Variants in CAMK4 observed in about 807,000 individuals in gnomAD.
The protein encoded by CAMK4 is calcium/calmodulin dependent protein kinase IV, also known as calcium/calmodulin-dependent protein kinase type IV.
CAMK4 carries 22 observed loss-of-function variants against 44.9 expected under a neutral mutation model. The ratio of observed to expected loss-of-function variants is 0.49; its 90% CI spans 0.35 to 0.70. The LOEUF (loss-of-function observed/expected upper bound fraction) is 0.70, where lower values mean the gene tolerates loss of function less well. Among genes scored for constraint, CAMK4 ranks in the 30% least tolerant of loss-of-function variants. The pLI is 0.01. For synonymous variants in CAMK4, 218 were observed against 215.4 expected, an observed-to-expected ratio of 1.01 and a Z score of -0.11; for missense variants, 498 against 586.8, an observed-to-expected ratio of 0.85 and a Z score of 1.56.
intron 1 of CAMK4, among the ~76,000 whole-genome samples, chr5:111,264,960 C>T (rs1211832030): frequency 6.6e-6 from 1 of 152,142 alleles, no homozygotes; most frequent in Non-Finnish European, 1.5e-5. Flanking sequence ...AATGTCCCCT[C>T]ATCCATGAGG....
intron 1 of CAMK4, among the ~76,000 whole-genome samples, chr5:111,227,890 A>T (rs140394490): frequency 5.6e-4 from 86 of 152,368 alleles, no homozygotes; most frequent in African/African-American, 2.0e-3. Context: ...CGAATTGGCC[A>T]TGATCCTATT....
chr5:111,436,876 G>A (rs1394321454), intron 5 of CAMK4, among the ~76,000 whole-genome samples: 4 of 152,116 alleles, frequency 2.6e-5, no homozygotes, highest in African/African-American at 4.8e-5. Context: ...CTGAGGCAAC[G>A]CTGTATTGAA....
intron 2 of CAMK4, among the ~76,000 whole-genome samples, chr5:111,370,400 T>C (rs961305338): frequency 6.6e-6 from 1 of 152,106 alleles, no homozygotes; most frequent in Admixed American, 6.6e-5. Flanking sequence ...AATATAAATA[T>C]ATAATGTGAA....
intron 4 of CAMK4, among the ~76,000 whole-genome samples, chr5:111,393,148 A>AT (rs1198896654): frequency 5.9e-5 from 9 of 152,208 alleles, no homozygotes; most frequent in African/African-American, 2.2e-4. Context: ...GCAATGATAG[A>AT]TTTTACCAAC....
intron 7 of CAMK4, among the ~76,000 whole-genome samples, chr5:111,465,552 G>T (rs1355516834): frequency 7.2e-5 from 11 of 152,114 alleles, no homozygotes; most frequent in Admixed American, 7.2e-4. Context: ...AAATGCAAAA[G>T]ATCATTCAGG....
At chr5:111,416,180 C>T (rs1205241160) in intron 5 of CAMK4, among the ~76,000 whole-genome samples, 3 of 151,740 alleles carry the variant, frequency 2.0e-5, no homozygotes, top group African/African-American at 7.3e-5. Context: ...AAAATAATTT[C>T]CAGAAAAATT....
chr5:111,478,560 T>G (rs1182575418), intron 9 of CAMK4, 53 bp downstream of exon 9: 6 of 998,282 alleles, frequency 6.0e-6, no homozygotes, highest in Non-Finnish European at 8.6e-6. Context: ...TATTTTTAAC[T>G]AATTAATGGG....
intron 1 of CAMK4, chr5:111,302,192 T>A (rs6887670): frequency 0.29 from 43,695 of 152,140 alleles, 6,398 homozygotes; most frequent in Non-Finnish European, 0.32. Context: ...CTGCCTAAAA[T>A]TCTCGGGGTC....
At chr5:111,457,793 A>G (rs1323669654) in intron 7 of CAMK4, among the ~76,000 whole-genome samples, 1 of 152,240 alleles carries the variant, frequency 6.6e-6, no homozygotes, top group Non-Finnish European at 1.5e-5. Context: ...AGAAGAATAA[A>G]TAGCTTAAGT....
At chr5:111,236,978 A>G (rs2112508857) in intron 1 of CAMK4, among the ~76,000 whole-genome samples, 1 of 152,306 alleles carries the variant, frequency 6.6e-6, no homozygotes, top group Admixed American at 6.5e-5. Context: ...TTTCTTCAGG[A>G]TGTTTTTTTC....
intron 1 of CAMK4, among the ~76,000 whole-genome samples, chr5:111,298,580 C>A (rs924090947): frequency 2.6e-5 from 4 of 152,186 alleles, no homozygotes; most frequent in African/African-American, 9.7e-5. Context: ...TAACGGGGAG[C>A]CACTATGCTC....
intron 1 of CAMK4, among the ~76,000 whole-genome samples, chr5:111,263,039 C>A (rs1374603151): frequency 7.9e-5 from 12 of 152,118 alleles, no homozygotes; most frequent in African/African-American, 2.9e-4. Context: ...ATAAGTGAAT[C>A]ATACTAAGCC....
rs540484831 is a variant in CAMK4, at chr5:111,469,467, C to CA, written c.626-3843dup. Among the ~76,000 whole-genome samples, 3 of 152,168 alleles carry CA rather than the reference C, an allele frequency of 2.0e-5. No homozygotes were observed. In the East Asian group the frequency reaches 5.8e-4, roughly 29 times the overall value. ...AAATTGCCTTTGGAGAGTAAGGTTA[C>CA]ACCCAGTGCTGCGACAGATCAGAAC... On this transcript the variant is annotated intron_variant, in intron 7 of 10. Coordinates refer to ENST00000282356, the MANE Select transcript of CAMK4 (RefSeq NM_001744.6).
At chr5:111,233,625 G>C (rs1391788093) in intron 1 of CAMK4, among the ~76,000 whole-genome samples, 6 of 152,054 alleles carry the variant, frequency 3.9e-5, no homozygotes. Flanking sequence ...ATTATATTTA[G>C]AGTGACAATA....
At chr5:111,380,107 C>T (rs532236914) in intron 4 of CAMK4, among the ~76,000 whole-genome samples, 1 of 152,202 alleles carries the variant, frequency 6.6e-6, no homozygotes, top group East Asian at 1.9e-4. Flanking sequence ...TTGAAATGGA[C>T]AAGGTGTGAG....
intron 1 of CAMK4, among the ~76,000 whole-genome samples, chr5:111,287,008 T>G (rs1342648670): frequency 6.6e-6 from 1 of 152,224 alleles, no homozygotes; most frequent in Non-Finnish European, 1.5e-5. Flanking sequence ...CTTGAGAGTT[T>G]TTGGAAATCA....
At chr5:111,239,341 A>G (rs1231193497) in intron 1 of CAMK4, among the ~76,000 whole-genome samples, 3 of 152,074 alleles carry the variant, frequency 2.0e-5, no homozygotes, top group Non-Finnish European at 4.4e-5. Context: ...GTGTTTCTTT[A>G]GCACTAGGTT....
intron 1 of CAMK4, among the ~76,000 whole-genome samples, chr5:111,301,034 A>G (rs1747697094): frequency 6.6e-6 from 1 of 151,914 alleles, no homozygotes; most frequent in Non-Finnish European, 1.5e-5. Flanking sequence ...CCGTAAGTGA[A>G]GTCCACATGC....
At chr5:111,273,679 A>T (rs1357724581) in intron 1 of CAMK4, among the ~76,000 whole-genome samples, 284 of 27,368 alleles carry the variant, frequency 0.01, 3 homozygotes, top group South Asian at 0.056. Context: ...AAATGCATTT[A>T]TATATATATA....
Sources: allele counts gnomAD v4.1 joint callset (sites outside exome capture counted in the v4.1 genomes callset), GRCh38; gene constraint gnomAD v4.1.1; transcripts MANE v1.5; gene names NCBI Gene and HGNC (gene_info 2026-07-23, HGNC 2026-07-21).